AAGAB: variants seen among roughly 807,000 people sequenced by gnomAD.
AAGAB encodes the protein alpha and gamma adaptin binding protein.
AAGAB carries 38 observed loss-of-function variants against 44.1 expected under a neutral mutation model. The ratio of observed to expected loss-of-function variants is 0.86; its 90% CI spans 0.67 to 1.13. The LOEUF is 1.13. Ranked by LOEUF, AAGAB falls within the 50% of genes most tolerant of loss-of-function variation. AAGAB has a pLI of 0.00. For missense variants in AAGAB, 450 were observed against 373.8 expected (o/e 1.20, Z -1.68); for synonymous variants, 131 against 131.8 (o/e 0.99, Z 0.04).
At chr15:67,218,886 T>G (rs138322787) in intron 5 of AAGAB, among the ~76,000 whole-genome samples, 1 of 152,274 alleles carries the variant, frequency 6.6e-6, no homozygotes, top group East Asian at 1.9e-4. Context: ...AGCCAAACTT[T>G]GAGGTTAAGG....
At chr15:67,244,191 C>T (rs551261815) in intron 1 of AAGAB, among the ~76,000 whole-genome samples, 16 of 152,200 alleles carry the variant, frequency 1.1e-4, no homozygotes, top group South Asian at 1.0e-3. Flanking sequence ...TTCTGTAGCC[C>T]CTGTACTCAA....
At chr15:67,221,629 G>T (rs1964066168) in intron 5 of AAGAB, among the ~76,000 whole-genome samples, 1 of 152,098 alleles carries the variant, frequency 6.6e-6, no homozygotes, top group Admixed American at 6.5e-5. Flanking sequence ...ATTCTCAATG[G>T]GAGCCAGGCA....
chr15:67,213,462 G>A (rs1217141589), intron 5 of AAGAB, among the ~76,000 whole-genome samples: 1 of 152,130 alleles, frequency 6.6e-6, no homozygotes, highest in East Asian at 1.9e-4. Flanking sequence ...ATCTCTCATA[G>A]CAATTTTGAC....
chr15:67,236,335 GA>G, intron 3 of AAGAB, 72 bp downstream of exon 3: 1 of 1,361,722 alleles, frequency 7.3e-7, no homozygotes, highest in Non-Finnish European at 1.0e-6. Context: ...CTAAGTTAAA[GA>G]AACAGATGTA....
At chr15:67,235,894 A>T in intron 4 of AAGAB, 85 bp downstream of exon 4, 1 of 1,077,310 alleles carries the variant, frequency 9.3e-7, no homozygotes, top group Non-Finnish European at 1.3e-6. Flanking sequence ...AAGTTTCTTG[A>T]ATTTTGCTGT....
rs1408643868 is a variant in AAGAB, at chr15:67,200,765, T to C, written c.*2056A>G. The stretch of plus-strand genomic sequence containing the variant: ...CAGCTATTACTGTAGTGTTAGCTCA[T>C]GATCACTATTCTAACATGGGCTTTT... On this transcript the variant is annotated 3_prime_UTR_variant, in exon 10 of 10. Coordinates refer to ENST00000261880, the MANE Select transcript of AAGAB (RefSeq NM_024666.5). Among the ~76,000 whole-genome samples the C allele has an allele frequency of 6.6e-6, 1 of 152,400 alleles. No individual in the cohort carries two copies.
At chr15:67,226,377 C>T (rs1372651868) in intron 5 of AAGAB, among the ~76,000 whole-genome samples, 1 of 152,162 alleles carries the variant, frequency 6.6e-6, no homozygotes, top group Non-Finnish European at 1.5e-5. Context: ...CTGCCTCAAC[C>T]TCCCAAAGTG....
At chr15:67,250,040 C>A (rs1045566331) in intron 1 of AAGAB, among the ~76,000 whole-genome samples, 1 of 152,220 alleles carries the variant, frequency 6.6e-6, no homozygotes, top group Non-Finnish European at 1.5e-5. Context: ...TGGCATTACA[C>A]ACTTTAAAAC....
chr15:67,226,294 AT>A (rs985158488), intron 5 of AAGAB, among the ~76,000 whole-genome samples: 13 of 151,768 alleles, frequency 8.6e-5, no homozygotes, highest in African/African-American at 2.7e-4. Context: ...GATTTTTAGA[AT>A]TTTTTTGTAG....
intron 1 of AAGAB, among the ~76,000 whole-genome samples, chr15:67,243,970 C>G (rs1445826596): frequency 6.6e-6 from 1 of 151,972 alleles, no homozygotes; most frequent in East Asian, 1.9e-4. Flanking sequence ...TAAGCCTAAA[C>G]AGGACAATTA....
chr15:67,231,286 T>C (rs1964327981), intron 5 of AAGAB, among the ~76,000 whole-genome samples: 1 of 152,202 alleles, frequency 6.6e-6, no homozygotes, highest in Non-Finnish European at 1.5e-5. Flanking sequence ...CATGCTTCCT[T>C]CTCCACTTGC....
At chr15:67,234,086 C>CAA (rs34634730) in intron 4 of AAGAB, among the ~76,000 whole-genome samples, 26,909 of 115,892 alleles carry the variant, frequency 0.23, 3,171 homozygotes, top group East Asian at 0.48. Context: ...ACTAAAAATA[C>CAA]AAAAAAAAAA....
At chr15:67,223,797 C>T (rs1000785376) in intron 5 of AAGAB, among the ~76,000 whole-genome samples, 1 of 152,148 alleles carries the variant, frequency 6.6e-6, no homozygotes, top group African/African-American at 2.4e-5. Context: ...ATAATCTAGC[C>T]CTTCGTTACC....
chr15:67,240,645 T>G (rs1398940323), intron 1 of AAGAB, among the ~76,000 whole-genome samples: 1 of 152,204 alleles, frequency 6.6e-6, no homozygotes, highest in Non-Finnish European at 1.5e-5. Context: ...CTATCCCGAT[T>G]TGAGAAACTT....
At chr15:67,248,883 T>G (rs73487144) in intron 1 of AAGAB, among the ~76,000 whole-genome samples, 267 of 152,270 alleles carry the variant, frequency 1.8e-3, no homozygotes, top group African/African-American at 6.3e-3. Flanking sequence ...AAGGTTAAAT[T>G]TTCTACTCCA....
intron 7 of AAGAB, among the ~76,000 whole-genome samples, chr15:67,208,232 G>A (rs1963729421): frequency 1.3e-5 from 2 of 152,114 alleles, no homozygotes; most frequent in South Asian, 2.1e-4. Context: ...TGTCACCATC[G>A]ATTCTGACTT....
rs1337319960 is a variant in AAGAB, at chr15:67,233,236, A to C, written c.452-1339T>G. ...TTCTTGATCAGAGAAAGATAGTTTG[A>C]GTGAGAAGTGAAATGACTAGAAGTG... On this transcript the variant is annotated intron_variant, in intron 4 of 9. Coordinates refer to ENST00000261880, the MANE Select transcript of AAGAB (RefSeq NM_024666.5). Among the ~76,000 whole-genome samples the C allele has an allele frequency of 2.6e-4, 40 of 152,222 alleles. 1 individual carries two copies. Among genetic ancestry groups the C allele is most frequent in the Admixed American group, 2.6e-3 (40 of 15,282 alleles).
At chr15:67,248,413 G>A (rs1964780235) in intron 1 of AAGAB, among the ~76,000 whole-genome samples, 1 of 152,006 alleles carries the variant, frequency 6.6e-6, no homozygotes, top group South Asian at 2.1e-4. Context: ...TCCAATCAAA[G>A]GCAGAATCCT....
rs140373259 is a variant in AAGAB at position 67,246,275 on chromosome 15, C to A, written c.73+8284G>T. Among the ~76,000 whole-genome samples the A allele has an allele frequency of 8.8e-3, 1,319 of 150,680 alleles. 17 individuals are homozygous for A. The highest frequency in any genetic ancestry group is 0.029 in the African/African-American group (1,193 of 40,884). Reference sequence around the variant, plus strand: ...ATGAGCCTGTAGTCCCAGCTACTTGCGGTGGGGTCGGGGGGCTGAGGCAGG... The same window carrying A: ...ATGAGCCTGTAGTCCCAGCTACTTGAGGTGGGGTCGGGGGGCTGAGGCAGG... On this transcript the variant is annotated intron_variant, in intron 1 of 9. Transcript: ENST00000261880.
Sources: allele counts gnomAD v4.1 joint callset (sites outside exome capture counted in the v4.1 genomes callset), GRCh38; gene constraint gnomAD v4.1.1; transcripts MANE v1.5; gene names NCBI Gene and HGNC (gene_info 2026-07-23, HGNC 2026-07-21).